Variants in GCSAML observed in about 807,000 individuals in gnomAD.
GCSAML encodes the protein germinal center associated signaling and motility like.
A neutral mutation model predicts 13.0 loss-of-function variants in GCSAML; 9 were observed. The ratio of observed to expected loss-of-function variants is 0.69; its 90% CI spans 0.42 to 1.21. The LOEUF is 1.21. Among genes scored for constraint, GCSAML ranks in the 50% most tolerant of loss-of-function variants. GCSAML has a pLI of 0.00. For missense variants in GCSAML, 143 were observed against 153.4 expected (o/e 0.93, Z 0.36); for synonymous variants, 37 against 52.9 (o/e 0.70, Z 1.31).
chr1:247,547,323 G>A (rs1558250271), upstream of GCSAML, among the ~76,000 whole-genome samples: 1 of 152,114 alleles, frequency 6.6e-6, no homozygotes, highest in Non-Finnish European at 1.5e-5. Flanking sequence ...TCCCTTTCAC[G>A]TAGCTCCTAT....
intron 2 of GCSAML, among the ~76,000 whole-genome samples, chr1:247,560,251 A>G (rs1270928877): frequency 6.6e-6 from 1 of 152,192 alleles, no homozygotes; most frequent in African/African-American, 2.4e-5. Flanking sequence ...TTGTTACATA[A>G]CTTCACATTT....
chr1:247,567,724 CTA>C (rs1474350620), intron 4 of GCSAML, among the ~76,000 whole-genome samples: 1 of 152,144 alleles, frequency 6.6e-6, no homozygotes, highest in Non-Finnish European at 1.5e-5. Flanking sequence ...AGTGGTATTT[CTA>C]GTTCTAGATC....
In GCSAML at chr1:247,574,837, T is replaced by TGAG. The variant is rs1668774975; in HGVS notation, c.*456_*458dup. ...GGAGTTTATGCACAAGTGACCAGGA[T>TGAG]GAGTCATAAGACTGATGAAATAGAC... On this transcript the variant is annotated 3_prime_UTR_variant, in exon 5 of 5. Transcript: ENST00000366488. 5.4e-6 allele frequency: 1 copy of TGAG among 183,592 alleles called. No individual in the cohort carries two copies. The allele number at this position is 183,592 out of a possible 1,614,324, so 11.4% of individuals were successfully genotyped here. A position where few individuals can be genotyped will look rare whatever the true frequency, so the allele number is the denominator to read the frequency against.
chr1:247,544,118 G>A (rs1489900536), intron 2 of GCSAML, among the ~76,000 whole-genome samples: 1 of 152,200 alleles, frequency 6.6e-6, no homozygotes, highest in Non-Finnish European at 1.5e-5. Flanking sequence ...GCAGGCTGCT[G>A]AATGAAAACT....
chr1:247,573,828 A>G (rs1236829136), intron 4 of GCSAML, among the ~76,000 whole-genome samples: 1 of 152,144 alleles, frequency 6.6e-6, no homozygotes, highest in Non-Finnish European at 1.5e-5. Context: ...TGAACATGGA[A>G]TATTTTTCCA....
At chr1:247,530,677 A>C (rs1171168363) in intron 2 of GCSAML, 3 of 152,438 alleles carry the variant, frequency 2.0e-5, no homozygotes, top group Non-Finnish European at 4.4e-5. Flanking sequence ...CTCTATATAC[A>C]GAAGTAATAA....
At chr1:247,528,554 A>G (rs917062367) in intron 2 of GCSAML, 1 of 152,264 alleles carries the variant, frequency 6.6e-6, no homozygotes, top group Non-Finnish European at 1.5e-5. Context: ...ATGAATCTGC[A>G]TTATACACCA....
At chr1:247,531,378 A>G (rs1043186051) in intron 2 of GCSAML, 40 of 650,774 alleles carry the variant, frequency 6.1e-5, no homozygotes, top group Non-Finnish European at 9.1e-5. Flanking sequence ...TTAGCAAATA[A>G]TAAATGTATT....
intron 2 of GCSAML, among the ~76,000 whole-genome samples, chr1:247,559,439 AGC>A (rs1668051017): frequency 1.5e-5 from 2 of 135,796 alleles, no homozygotes; most frequent in South Asian, 4.2e-4. Context: ...TCTTCTGTCC[AGC>A]TTTTTTTTTC....
At chr1:247,548,089 G>C (rs1014683559), upstream of GCSAML, among the ~76,000 whole-genome samples, 2 of 152,088 alleles carry the variant, frequency 1.3e-5, no homozygotes, top group African/African-American at 4.8e-5. This position sits in a 1 kb window ranked among gnomAD's most constrained non-coding sequence, Gnocchi z 5.3. Context: ...TCCTCATTGG[G>C]AGAAAAAAAG....
chr1:247,533,403 A>G (rs1471655427), intron 2 of GCSAML: 1 of 152,182 alleles, frequency 6.6e-6, no homozygotes, highest in Non-Finnish European at 1.5e-5. Flanking sequence ...TAGAAACCAG[A>G]GCCCCTTTTC....
chr1:247,537,174 T>C (rs1453652263), intron 2 of GCSAML, among the ~76,000 whole-genome samples: 1 of 152,234 alleles, frequency 6.6e-6, no homozygotes, highest in Non-Finnish European at 1.5e-5. Context: ...GCTTTCTCTA[T>C]GTATGGATTT....
intron 2 of GCSAML, chr1:247,532,148 C>T (rs200150122): frequency 2.8e-5 from 46 of 1,614,060 alleles, no homozygotes; most frequent in Non-Finnish European, 2.9e-5. Flanking sequence ...GCGTAGCGGT[C>T]ATAGGACATG....
At chr1:247,570,551 A>G (rs946608760) in intron 4 of GCSAML, among the ~76,000 whole-genome samples, 1 of 151,866 alleles carries the variant, frequency 6.6e-6, no homozygotes, top group Non-Finnish European at 1.5e-5. Flanking sequence ...TTCTAATTTG[A>G]TTTGCACTGT....
At chr1:247,517,920 G>A (rs982440418) in intron 1 of GCSAML, among the ~76,000 whole-genome samples, 1 of 152,162 alleles carries the variant, frequency 6.6e-6, no homozygotes, top group Non-Finnish European at 1.5e-5. Context: ...TTCTGGAGAG[G>A]CCAAAGCTGG....
chr1:247,549,013 C>G (rs963619876), upstream of GCSAML: 1 of 1,532,572 alleles, frequency 6.5e-7, no homozygotes, highest in African/African-American at 1.4e-5. Context: ...CCTCCCCTTT[C>G]GAGCTCTTCC....
At chr1:247,553,838 A>T (rs1667859727) in intron 1 of GCSAML, among the ~76,000 whole-genome samples, 1 of 152,234 alleles carries the variant, frequency 6.6e-6, no homozygotes, top group African/African-American at 2.4e-5. Context: ...AGATAACCTC[A>T]TGATTCTTCT....
At position 247,576,485 on chromosome 1, in the gene GCSAML, A is replaced by T. The variant is rs1668839573; in HGVS notation, c.*2103A>T. 6.6e-6 allele frequency: 1 copy of T among 152,182 alleles called. No homozygotes were observed. Among genetic ancestry groups the T allele is most frequent in the Admixed American group, 6.6e-5 (1 of 15,262 alleles). The allele number at this position is 152,182 out of a possible 1,614,324, so 9.4% of individuals were successfully genotyped here. A position where few individuals can be genotyped will look rare whatever the true frequency, so the allele number is the denominator to read the frequency against. On this transcript the variant is annotated 3_prime_UTR_variant, in exon 5 of 5. Coordinates refer to ENST00000366488, the MANE Select transcript of GCSAML (RefSeq NM_145278.5). Reference sequence around the variant, plus strand: ...GTTTGAGACTGGGAGGTTGAGGCTGAACTGAGCCAGGATCTTGCCACCACA... The same window carrying T: ...GTTTGAGACTGGGAGGTTGAGGCTGTACTGAGCCAGGATCTTGCCACCACA...
upstream of GCSAML, among the ~76,000 whole-genome samples, chr1:247,546,389 C>G (rs185851412): frequency 5.6e-3 from 850 of 152,104 alleles, 10 homozygotes; most frequent in African/African-American, 0.02. Flanking sequence ...AGACGAGTCT[C>G]GCTCTGTCAC....
Sources: gnomAD v4.1 joint callset for allele counts (sites outside exome capture counted in the v4.1 genomes callset) on GRCh38, gnomAD v4.1.1 for gene constraint, Gnocchi (gnomAD v3.1) non-coding constraint, MANE v1.5 for transcripts, NCBI Gene and HGNC (gene_info 2026-07-23, HGNC 2026-07-21) for gene names.